The following SPOCK1 variants were observed in gnomAD, a reference collection of about 807,000 sequenced individuals.
SPOCK1 encodes the protein SPARC (osteonectin), cwcv and kazal like domains proteoglycan 1, also known as testican-1.
A neutral mutation model predicts 55.3 loss-of-function variants in SPOCK1; 23 were observed. The observed-to-expected ratio is 0.42, with a 90% CI of 0.30 to 0.59. The LOEUF is 0.59. Among genes scored for constraint, SPOCK1 ranks in the 20% least tolerant of loss-of-function variants. The pLI, the probability that SPOCK1 is intolerant of heterozygous loss-of-function variation, is 0.22. For synonymous variants in SPOCK1, 226 were observed against 221.0 expected (o/e 1.02, Z -0.20); for missense variants, 499 against 552.5 (o/e 0.90, Z 0.97).
intron 3 of SPOCK1, among the ~76,000 whole-genome samples, chr5:137,145,859 G>A (rs956753135): frequency 6.6e-6 from 1 of 152,198 alleles, no homozygotes; most frequent in Non-Finnish European, 1.5e-5. Context: ...CTTTCCAGGG[G>A]TAAGAAAGTT....
At chr5:137,069,087 A>T (rs1752560649) in intron 5 of SPOCK1, among the ~76,000 whole-genome samples, 1 of 152,238 alleles carries the variant, frequency 6.6e-6, no homozygotes. Context: ...ATACCTTTGA[A>T]AAAAGTCCAC....
At chr5:137,051,319 GAA>G (rs1157196140) in intron 6 of SPOCK1, among the ~76,000 whole-genome samples, 2 of 152,166 alleles carry the variant, frequency 1.3e-5, no homozygotes, top group African/African-American at 4.8e-5. Context: ...TGATAGCAGA[GAA>G]AAGAAAACAG....
chr5:137,120,679 C>G (rs1753668161), intron 4 of SPOCK1, among the ~76,000 whole-genome samples: 1 of 152,212 alleles, frequency 6.6e-6, no homozygotes, highest in African/African-American at 2.4e-5. Flanking sequence ...AGAACTGCTG[C>G]TTTGTTACTC....
At chr5:137,268,329 T>A (rs1420429558) in intron 2 of SPOCK1, among the ~76,000 whole-genome samples, 2 of 152,198 alleles carry the variant, frequency 1.3e-5, no homozygotes, top group Non-Finnish European at 2.9e-5. Context: ...GATTCAGCAC[T>A]AAATTATTTT....
At chr5:137,239,030 T>A (rs1580823240) in intron 3 of SPOCK1, among the ~76,000 whole-genome samples, 1 of 152,220 alleles carries the variant, frequency 6.6e-6, no homozygotes, top group East Asian at 1.9e-4. Flanking sequence ...TTTATGCTAA[T>A]GAAATGACTC....
intron 2 of SPOCK1, among the ~76,000 whole-genome samples, chr5:137,372,707 A>C (rs1322722566): frequency 6.6e-6 from 1 of 152,248 alleles, no homozygotes; most frequent in African/African-American, 2.4e-5. Flanking sequence ...TGACAATGCT[A>C]AGCACAGAAA....
chr5:137,344,737 C>A (rs909261224), intron 2 of SPOCK1, among the ~76,000 whole-genome samples: 1 of 152,190 alleles, frequency 6.6e-6, no homozygotes, highest in African/African-American at 2.4e-5. Context: ...TAAGGTTTCA[C>A]ATAAAGTATT....
intron 7 of SPOCK1, 76 bp downstream of exon 7, chr5:136,992,408 C>T: frequency 9.0e-7 from 1 of 1,112,512 alleles, no homozygotes. Flanking sequence ...GGGTGTTTTT[C>T]ACCCCCAAAT....
intron 3 of SPOCK1, among the ~76,000 whole-genome samples, chr5:137,214,902 T>G (rs920016409): frequency 4.6e-5 from 7 of 152,190 alleles, no homozygotes; most frequent in Admixed American, 4.6e-4. Context: ...ACCCCCAATT[T>G]TTTAAAGTAA....
At chr5:137,223,552 T>C (rs1280792522) in intron 3 of SPOCK1, among the ~76,000 whole-genome samples, 1 of 152,188 alleles carries the variant, frequency 6.6e-6, no homozygotes, top group African/African-American at 2.4e-5. Context: ...GATTCACCAT[T>C]TGGGGCCTGC....
chr5:137,262,890 TG>T (rs1756775901), intron 3 of SPOCK1, among the ~76,000 whole-genome samples: 1 of 152,258 alleles, frequency 6.6e-6, no homozygotes, highest in Non-Finnish European at 1.5e-5. Flanking sequence ...AATGACTTGC[TG>T]ATCACTTGTC....
At chr5:137,012,408 C>G (rs1317642133) in intron 6 of SPOCK1, among the ~76,000 whole-genome samples, 2 of 152,140 alleles carry the variant, frequency 1.3e-5, no homozygotes, top group East Asian at 3.9e-4. Flanking sequence ...ATAATTCTTC[C>G]CTTTCTTCTC....
intron 2 of SPOCK1, among the ~76,000 whole-genome samples, chr5:137,271,947 C>A (rs1344626053): frequency 6.6e-6 from 1 of 152,158 alleles, no homozygotes; most frequent in African/African-American, 2.4e-5. Flanking sequence ...AATTACCAGC[C>A]TAGAAAATAA....
At chr5:137,101,256 G>A (rs1753260366) in intron 5 of SPOCK1, among the ~76,000 whole-genome samples, 1 of 152,168 alleles carries the variant, frequency 6.6e-6, no homozygotes, top group Non-Finnish European at 1.5e-5. Context: ...TATTCATTCT[G>A]GCCAGGGACC....
intron 5 of SPOCK1, among the ~76,000 whole-genome samples, chr5:137,084,598 T>C (rs1752926927): frequency 6.6e-6 from 1 of 151,934 alleles, no homozygotes; most frequent in Non-Finnish European, 1.5e-5. Context: ...TACTCTTTGA[T>C]TCCCTCACCA....
chr5:137,439,458 T>G (rs549635107), intron 2 of SPOCK1, among the ~76,000 whole-genome samples: 1 of 152,198 alleles, frequency 6.6e-6, no homozygotes, highest in Non-Finnish European at 1.5e-5. Flanking sequence ...ATTAATAGAT[T>G]CCTCCAGAGG....
At chr5:137,256,072 C>A (rs571488709) in intron 3 of SPOCK1, among the ~76,000 whole-genome samples, 1 of 152,328 alleles carries the variant, frequency 6.6e-6, no homozygotes, top group Admixed American at 6.5e-5. Context: ...CACATCATCA[C>A]TCTTGAGATC....
intron 2 of SPOCK1, among the ~76,000 whole-genome samples, chr5:137,335,580 G>A (rs1750247978): frequency 1.3e-5 from 2 of 152,210 alleles, no homozygotes; most frequent in Admixed American, 1.3e-4. Flanking sequence ...AGACGACACT[G>A]CTTACGGCCT....
intron 2 of SPOCK1, among the ~76,000 whole-genome samples, chr5:137,357,055 C>T (rs1038513552): frequency 7.9e-5 from 12 of 151,134 alleles, no homozygotes; most frequent in African/African-American, 2.0e-4. Flanking sequence ...GCAAAGACTC[C>T]CTTCCCTTTC....
Sources: gnomAD v4.1 joint callset for allele counts (sites outside exome capture counted in the v4.1 genomes callset) on GRCh38, gnomAD v4.1.1 for gene constraint, MANE v1.5 for transcripts, NCBI Gene and HGNC (gene_info 2026-07-23, HGNC 2026-07-21) for gene names.